ZFAND6: variants seen among roughly 807,000 people sequenced by gnomAD.
ZFAND6 encodes AN1-type zinc finger protein 6.
A neutral mutation model predicts 24.5 loss-of-function variants in ZFAND6; 12 were observed. The ratio of observed to expected loss-of-function variants is 0.49; its 90% CI spans 0.31 to 0.79. ZFAND6 has a LOEUF of 0.79. ZFAND6 is among the 30% of genes least tolerant of loss of function. The probability of loss-of-function intolerance (pLI) is 0.04; values close to 1 mark genes in which losing one functional copy is unlikely to be tolerated. For missense variants in ZFAND6, 207 were observed against 245.9 expected, an observed-to-expected ratio of 0.84 and a Z score of 1.06; for synonymous variants, 92 against 81.5, an observed-to-expected ratio of 1.13 and a Z score of -0.69.
chr15:80,120,179 TCTC>T, intron 2 of ZFAND6, 146 bp from the exon 3 acceptor site: 3 of 581,868 alleles, frequency 5.2e-6, no homozygotes, highest in Non-Finnish European at 7.8e-6. Flanking sequence ...TATATTTTTC[TCTC>T]CTTTTTAGCC....
At chr15:80,105,296 C>T (rs946360515) in intron 2 of ZFAND6, among the ~76,000 whole-genome samples, 6 of 152,226 alleles carry the variant, frequency 3.9e-5, no homozygotes, top group Middle Eastern at 3.4e-3. Flanking sequence ...TAATAAAAAA[C>T]GGTATCATCT....
intron 2 of ZFAND6, among the ~76,000 whole-genome samples, chr15:80,105,567 A>C (rs1201504209): frequency 6.6e-6 from 1 of 152,172 alleles, no homozygotes; most frequent in Non-Finnish European, 1.5e-5. Context: ...TTTCACAATC[A>C]CCGTCCCAGT....
intron 2 of ZFAND6, among the ~76,000 whole-genome samples, chr15:80,119,675 C>A (rs978271339): frequency 3.3e-5 from 5 of 151,588 alleles, no homozygotes; most frequent in South Asian, 2.1e-4. Flanking sequence ...TTTTATTATT[C>A]TTTTTCTGAT....
Position 80,076,906 on chromosome 15 carries a change from TA to T in ZFAND6, c.-181+17108del, listed in dbSNP as rs200626707. ...AAAATGCTTTAAGGGAAACAAACAT[TA>T]AAAAAAAAAAGTATTTCTGACAGTT... On this transcript the variant is annotated intron_variant, in intron 1 of 6. Coordinates refer to ENST00000261749, the MANE Select transcript of ZFAND6 (RefSeq NM_019006.4). Among the ~76,000 whole-genome samples the T allele has an allele frequency of 1.8e-3, 263 of 145,974 alleles. 1 individual carries two copies. The highest frequency in any genetic ancestry group is 7.1e-3 in the Middle Eastern group (2 of 280).
At chr15:80,088,870 G>GT (rs1206203897) in intron 1 of ZFAND6, among the ~76,000 whole-genome samples, 1 of 152,096 alleles carries the variant, frequency 6.6e-6, no homozygotes, top group Non-Finnish European at 1.5e-5. Flanking sequence ...CACAGGGCTG[G>GT]TGGCTACTTA....
intron 2 of ZFAND6, among the ~76,000 whole-genome samples, chr15:80,117,339 C>T (rs1255638685): frequency 6.6e-6 from 1 of 152,092 alleles, no homozygotes; most frequent in East Asian, 1.9e-4. Flanking sequence ...TCTCCTGCCT[C>T]AGCCTCCTGA....
At position 80,131,202 on chromosome 15, in the gene ZFAND6, G is replaced by A. The variant is rs2040585435; in HGVS notation, c.387G>A (p.Gln129=). ...DVQASVSDTA[Q]QPSEEQSKSL... ...TAGCTTCAGTATCAGACACAGCACA[G>A]CAGCCATCTGAAGAGCAAAGCAAGT... The change falls in exon 6 of 7, where the codon CAG becomes CAA. Residue 129 remains glutamine (Q), a synonymous_variant. Transcript: ENST00000261749. The A allele has an allele frequency of 6.2e-7, 1 of 1,608,882 alleles. No homozygotes were observed. The highest frequency in any genetic ancestry group is 8.5e-7 in the Non-Finnish European group (1 of 1,177,484).
At chr15:80,097,493 C>T (rs2038793759) in intron 1 of ZFAND6, among the ~76,000 whole-genome samples, 1 of 151,892 alleles carries the variant, frequency 6.6e-6, no homozygotes, top group Admixed American at 6.6e-5. Flanking sequence ...ACAAAAAATA[C>T]AAAAATTAGC....
intron 1 of ZFAND6, among the ~76,000 whole-genome samples, chr15:80,062,811 A>G (rs6495471): frequency 0.72 from 108,909 of 152,080 alleles, 39,329 homozygotes; most frequent in Admixed American, 0.81. Context: ...GATAACTATT[A>G]TTAACATTTT....
chr15:80,117,474 G>C (rs757825733), intron 2 of ZFAND6, among the ~76,000 whole-genome samples: 11 of 152,038 alleles, frequency 7.2e-5, no homozygotes, highest in Non-Finnish European at 1.3e-4. Context: ...CTCCTGACTT[G>C]GCCTCCCAAA....
intron 2 of ZFAND6, among the ~76,000 whole-genome samples, chr15:80,103,003 C>T (rs2039119013): frequency 6.6e-6 from 1 of 152,192 alleles, no homozygotes; most frequent in South Asian, 2.1e-4. Context: ...GTCTCCTCCC[C>T]ACCTCCATCC....
intron 2 of ZFAND6, among the ~76,000 whole-genome samples, chr15:80,101,246 A>G (rs1246188211): frequency 6.6e-6 from 1 of 152,146 alleles, no homozygotes; most frequent in East Asian, 1.9e-4. Context: ...ATGGATCACA[A>G]GGTCAGGAGT....
chr15:80,089,379 C>A (rs1333615899), intron 1 of ZFAND6, among the ~76,000 whole-genome samples: 1 of 150,398 alleles, frequency 6.6e-6, no homozygotes, highest in African/African-American at 2.4e-5. Context: ...CTGTCTGAGC[C>A]TCCCGAGTAG....
intron 1 of ZFAND6, among the ~76,000 whole-genome samples, 159 bp from the exon 2 acceptor site, chr15:80,098,257 T>C (rs1348253805): frequency 6.6e-6 from 1 of 152,234 alleles, no homozygotes. Context: ...GTTAATAATG[T>C]CAAATACCAA....
chr15:80,124,225 A>G (rs2040273145), intron 5 of ZFAND6, among the ~76,000 whole-genome samples: 1 of 152,180 alleles, frequency 6.6e-6, no homozygotes, highest in Non-Finnish European at 1.5e-5. Context: ...CGAGGTCAGG[A>G]GATCGAGACC....
intron 2 of ZFAND6, among the ~76,000 whole-genome samples, chr15:80,105,947 A>G (rs1373635148): frequency 6.6e-6 from 1 of 152,154 alleles, no homozygotes; most frequent in East Asian, 1.9e-4. Flanking sequence ...GATACTTAAC[A>G]TTTTGTGGTT....
chr15:80,122,908 T>C (rs1411880620), intron 5 of ZFAND6, 108 bp downstream of exon 5: 3 of 682,952 alleles, frequency 4.4e-6, no homozygotes, highest in Admixed American at 3.0e-5. Flanking sequence ...TGTTTTTCTG[T>C]TTTCCCTATG....
At position 80,122,737 on chromosome 15, in the gene ZFAND6, G is replaced by T; in HGVS notation, c.301G>T (p.Ala101Ser). ...SNQSLLSESV[A>S]SSQLDSTSVD... ...TCAGTCACTTTTATCAGAATCTGTA[G>T]CATCTTCTCAATTGGACAGTACATC... Residue 101 changes from alanine (A) to serine (S), a missense_variant, in exon 5 of 7, where the codon GCA becomes TCA. Physicochemically the swap from Ala to Ser is moderately conservative, Grantham distance 99 (BLOSUM62 1). Around this residue, in one of 3 missense-constraint regions of ZFAND6, gnomAD observed 133 missense variants for 122.8 expected, o/e 1.08. Transcript: ENST00000261749. The T allele has an allele frequency of 6.2e-7, 1 of 1,613,636 alleles. No individual in the cohort carries two copies. The highest frequency in any genetic ancestry group is 1.3e-5 in the African/African-American group (1 of 75,000).
intron 1 of ZFAND6, chr15:80,073,357 G>T: frequency 3.1e-6 from 1 of 323,458 alleles, no homozygotes; most frequent in Non-Finnish European, 6.1e-6. Context: ...TTTTTTTAAA[G>T]TATCTGATTC....
Sources: gnomAD v4.1 joint callset for allele counts (sites outside exome capture counted in the v4.1 genomes callset) on GRCh38, gnomAD v4.1.1 for gene constraint, gnomAD v4.1.1 regional missense constraint, MANE v1.5 for transcripts, NCBI Gene and HGNC (gene_info 2026-07-23, HGNC 2026-07-21) for gene names.